The following SMARCD2 variants were observed in gnomAD, a reference collection of about 807,000 sequenced individuals.
The protein encoded by SMARCD2 is SWI/SNF related BAF chromatin remodeling complex subunit D2, also known as SWI/SNF-related matrix-associated actin-dependent regulator of chromatin subfamily D member 2.
A neutral mutation model predicts 70.4 loss-of-function variants in SMARCD2; 39 were observed. The ratio of observed to expected loss-of-function variants is 0.55; its 90% confidence interval spans 0.43 to 0.72. The LOEUF is 0.72. Among genes scored for constraint, SMARCD2 ranks in the 30% least tolerant of loss-of-function variants. The pLI, the probability that SMARCD2 is intolerant of heterozygous loss-of-function variation, is 0.00. For missense variants in SMARCD2, 540 were observed against 713.4 expected (o/e 0.76, Z 2.77); for synonymous variants, 249 against 279.4 (o/e 0.89, Z 1.08).
chr17:63,834,397 A>G lies in SMARCD2; in HGVS notation c.922-69T>C. The G allele has an allele frequency of 6.3e-7, 1 of 1,575,912 alleles. No homozygotes were observed. The highest frequency in any genetic ancestry group is 1.7e-4 in the Middle Eastern group (1 of 5,846). On this transcript the variant is annotated intron_variant, in intron 7 of 12. Coordinates refer to ENST00000448276, the MANE Select transcript of SMARCD2 (RefSeq NM_001098426.2). The surrounding 1 kb of genome is among the most constrained non-coding windows in gnomAD (Gnocchi z 5.6). ...AACAGTGGGAAAATAGGGCAGGGAC[A>G]GGAAGGGTTTCTAGGAACCAGCTCC...
In SMARCD2 at chr17:63,834,043, G is replaced by A. The variant is rs1345277227; in HGVS notation, c.1084-37C>T. On this transcript the variant is annotated intron_variant, in intron 8 of 12. Transcript: ENST00000448276. The surrounding 1 kb of genome is among the most constrained non-coding windows in gnomAD (Gnocchi z 5.6). ...ACGAAAGGCTCAGCGTTGGCTTGTGGGCACAGTGGAGTGGACCATTCCAGG... is the reference window on the plus strand; with the variant it reads ...ACGAAAGGCTCAGCGTTGGCTTGTGAGCACAGTGGAGTGGACCATTCCAGG... The A allele has an allele frequency of 6.2e-7, 1 of 1,600,854 alleles. No individual in the cohort carries two copies. Among genetic ancestry groups the A allele is most frequent in the African/African-American group, 1.3e-5 (1 of 74,696 alleles).
In SMARCD2 at chr17:63,834,145, C is replaced by T. The variant is rs758969651; in HGVS notation, c.1083+22G>A. ...CAAGGCAAAGCAAGGGCTGAGAAAA[C>T]GGGGGCTGGCATCTGGCTAACCTGG... is the stretch of plus-strand genomic sequence containing the variant. On this transcript the variant is annotated intron_variant, in intron 8 of 12. Transcript: ENST00000448276. This position sits in a 1 kb window ranked among gnomAD's most constrained non-coding sequence, Gnocchi z 5.6. 36 of 1,607,556 alleles carry T rather than the reference C, an allele frequency of 2.2e-5. No homozygotes were observed. In the South Asian group the frequency reaches 3.6e-4, roughly 16 times the overall value.
Position 63,833,845 on chromosome 17 carries a change from T to A in SMARCD2, c.1181+64A>T. 6.4e-7 allele frequency: 1 copy of A among 1,557,850 alleles called. No homozygotes were observed. Among genetic ancestry groups the A allele is most frequent in the Non-Finnish European group, 8.8e-7 (1 of 1,131,392 alleles). On this transcript the variant is annotated intron_variant, in intron 9 of 12. Transcript: ENST00000448276. The surrounding 1 kb of genome is among the most constrained non-coding windows in gnomAD (Gnocchi z 4.3). ...AAGAAACCTGATGCTTTCTTTGGCT[T>A]TAGTTCAAGCCAAGGGTGAATCTGC... is the stretch of plus-strand genomic sequence containing the variant.
At position 63,833,831 on chromosome 17, in the gene SMARCD2, TGCTTTCTTTGGCTTTAGTTCAAGCCAA is replaced by T; in HGVS notation, c.1181+51_1181+77del. Reference sequence around the variant, plus strand: ...CACACTCAGGGAAAAAGAAACCTGATGCTTTCTTTGGCTTTAGTTCAAGCCAAGGGTGAATCTGCTCTTAGAAGAGCC... The same window carrying T: ...CACACTCAGGGAAAAAGAAACCTGATGGGTGAATCTGCTCTTAGAAGAGCC... On this transcript the variant is annotated intron_variant, in intron 9 of 12. Transcript: ENST00000448276. The surrounding 1 kb of genome is among the most constrained non-coding windows in gnomAD (Gnocchi z 4.3). The T allele has an allele frequency of 6.4e-7, 1 of 1,553,930 alleles. No homozygotes were observed. Among genetic ancestry groups the T allele is most frequent in the Non-Finnish European group, 8.9e-7 (1 of 1,128,310 alleles).
chr17:63,838,544 G>A, intron 1 of SMARCD2: 1 of 1,328,544 alleles, frequency 7.5e-7, no homozygotes. Context: ...TAGAGGCCCA[G>A]GCTGAGCAGC....
intron 1 of SMARCD2, among the ~76,000 whole-genome samples, chr17:63,838,414 G>GCACCTGGACTCTGCCAGTGGTCCAGGCAC (rs2040292496): frequency 6.6e-6 from 1 of 152,096 alleles, no homozygotes; most frequent in Non-Finnish European, 1.5e-5. Flanking sequence ...AGAGCAGCTA[G>GCACCTGGACTCTGCCAGTGGTCCAGGCAC]CACCTGGACT....
Position 63,833,602 on chromosome 17 carries a change from G to A in SMARCD2, c.1302C>T (p.Ala434=), listed in dbSNP as rs1279430927. Residue 434 remains alanine (A), a synonymous_variant, in exon 10 of 13, where the codon GCC becomes GCT. Transcript: ENST00000448276. This position sits in a 1 kb window ranked among gnomAD's most constrained non-coding sequence, Gnocchi z 4.3. ...GAGGGCCCACCTTGACATCAAGGGA[G>A]GCGATCTCCTGCTGATTGGTGGTAG... is the stretch of plus-strand genomic sequence containing the variant. ...LASTTNQQEI[A]SLDVKIHETI... The A allele has an allele frequency of 6.2e-7, 1 of 1,613,920 alleles. No homozygotes were observed. The highest frequency in any genetic ancestry group is 1.3e-5 in the African/African-American group (1 of 74,942).
At position 63,834,423 on chromosome 17, in the gene SMARCD2, C is replaced by G. The variant is rs1405733828; in HGVS notation, c.921+51G>C. On this transcript the variant is annotated intron_variant, in intron 7 of 12. Coordinates refer to ENST00000448276, the MANE Select transcript of SMARCD2 (RefSeq NM_001098426.2). This position sits in a 1 kb window ranked among gnomAD's most constrained non-coding sequence, Gnocchi z 5.6. ...GGAAGGGTTTCTAGGAACCAGCTCC[C>G]CTCCTGAGGGGTCCCTGTGGGCCCA... is the stretch of plus-strand genomic sequence containing the variant. 6 of 1,556,268 alleles carry G rather than the reference C, an allele frequency of 3.9e-6. No homozygotes were observed. The East Asian group carries it at 1.4e-4, about 35-fold the overall frequency.
chr17:63,834,929 G>T lies in SMARCD2; in HGVS notation c.724-129C>A. 2 of 688,200 alleles carry T rather than the reference G, an allele frequency of 2.9e-6. No homozygotes were observed. The highest frequency in any genetic ancestry group is 5.0e-6 in the Non-Finnish European group (2 of 396,146). 42.6% of individuals were successfully genotyped at this position (688,200 alleles called of 1,614,324 possible). On this transcript the variant is annotated intron_variant, in intron 5 of 12. Transcript: ENST00000448276. This position sits in a 1 kb window ranked among gnomAD's most constrained non-coding sequence, Gnocchi z 5.6. ...ATACTGAAGATTCCTGGGCCCTGAA[G>T]GATGGAAGCAGGACTCTGGGCAGAC...
At position 63,833,224 on chromosome 17, in the gene SMARCD2, C is replaced by T. The variant is rs1422846128; in HGVS notation, c.1441-54G>A. On this transcript the variant is annotated intron_variant, in intron 11 of 12. Coordinates refer to ENST00000448276, the MANE Select transcript of SMARCD2 (RefSeq NM_001098426.2). The surrounding 1 kb of genome is among the most constrained non-coding windows in gnomAD (Gnocchi z 4.3). ...CATAATCCCCACCCCTGGGCTAATC[C>T]ACCCTGGGAACTGCTGTGGGTAAAA... The T allele has an allele frequency of 1.2e-6, 2 of 1,609,578 alleles. No individual in the cohort carries two copies. Among genetic ancestry groups the T allele is most frequent in the African/African-American group, 1.3e-5 (1 of 74,944 alleles).
At chr17:63,835,749 A>G in intron 4 of SMARCD2, 182 bp from the exon 5 acceptor site, 2 of 511,162 alleles carry the variant, frequency 3.9e-6, no homozygotes, top group South Asian at 2.4e-5. Flanking sequence ...TTTTTTTTAG[A>G]CATGGTCTCA....
Position 63,837,400 on chromosome 17 carries a change from G to C in SMARCD2, c.401+41C>G. The C allele has an allele frequency of 1.3e-6, 2 of 1,568,482 alleles. No individual in the cohort carries two copies. The highest frequency in any genetic ancestry group is 1.2e-5 in the South Asian group (1 of 86,280). On this transcript the variant is annotated intron_variant, in intron 2 of 12. Coordinates refer to ENST00000448276, the MANE Select transcript of SMARCD2 (RefSeq NM_001098426.2). The surrounding 1 kb of genome is among the most constrained non-coding windows in gnomAD (Gnocchi z 6.4). Reference sequence around the variant, plus strand: ...AGAAGGAAACCCTCTGCTACCACCAGAGCTGAGTTAGGCAGAGTGAGAGAA... The same window carrying C: ...AGAAGGAAACCCTCTGCTACCACCACAGCTGAGTTAGGCAGAGTGAGAGAA...
chr17:63,835,984 C>T (rs2040260663), intron 4 of SMARCD2, among the ~76,000 whole-genome samples: 1 of 152,068 alleles, frequency 6.6e-6, no homozygotes, highest in Non-Finnish European at 1.5e-5. Flanking sequence ...CCACTTCGGC[C>T]TCCTAAAGTG....
Position 63,832,947 on chromosome 17 carries a change from G to C in SMARCD2, c.1587C>G (p.Arg529=). The C allele has an allele frequency of 6.4e-7, 1 of 1,568,350 alleles. No homozygotes were observed. Reference sequence around the variant, plus strand: ...AAAGATCCCTGAGCAGTTAGGTCAGGCGAATTCCCAGCACCTGTTCCAGTT... The same window carrying C: ...AAAGATCCCTGAGCAGTTAGGTCAGCCGAATTCCCAGCACCTGTTCCAGTT... ...RQELEQVLGI[R]LT Residue 529 remains arginine (R), a synonymous_variant, in exon 13 of 13, where the codon CGC becomes CGG. Transcript: ENST00000448276.
Position 63,833,286 on chromosome 17 carries a change from A to G in SMARCD2, c.1440+12T>C, listed in dbSNP as rs765429079. ...CTTTACATAGGAGTCCCCTCGGGAA[A>G]GAGGACTACACCTTGAGGTCTCGGC... On this transcript the variant is annotated intron_variant, in intron 11 of 12. Transcript: ENST00000448276. The surrounding 1 kb of genome is among the most constrained non-coding windows in gnomAD (Gnocchi z 4.3). 1.2e-5 allele frequency: 20 copies of G among 1,613,826 alleles called. No homozygotes were observed. Among genetic ancestry groups the G allele is most frequent in the Admixed American group, 1.2e-4 (7 of 60,000 alleles).
chr17:63,842,219 C>G (rs900766532), intron 1 of SMARCD2, among the ~76,000 whole-genome samples: 3 of 152,204 alleles, frequency 2.0e-5, no homozygotes, highest in Non-Finnish European at 4.4e-5. Flanking sequence ...CTCGGAATCC[C>G]TGTGCCGCGG....
chr17:63,842,113 C>T (rs995469442), intron 1 of SMARCD2, among the ~76,000 whole-genome samples: 3 of 152,204 alleles, frequency 2.0e-5, no homozygotes, highest in Admixed American at 2.0e-4. Context: ...GGCCCTTTCC[C>T]AAACTTTCTC....
chr17:63,833,308 C>A lies in SMARCD2; in HGVS notation c.1430G>T (p.Arg477Leu), dbSNP rs766616758. 6.2e-7 allele frequency: 1 copy of A among 1,613,840 alleles called. No homozygotes were observed. The highest frequency in any genetic ancestry group is 8.5e-7 in the Non-Finnish European group (1 of 1,179,882). Reference protein sequence around the residue: ...FIQEWLRSQRRDLKIITDVIG... With the variant: ...FIQEWLRSQRLDLKIITDVIG... The stretch of plus-strand genomic sequence containing the variant: ...GAAAGAGGACTACACCTTGAGGTCT[C>A]GGCGCTGGGAACGGAGCCATTCCTG... The change falls in exon 11 of 13, where the codon CGA (arginine) becomes CTA (leucine). Residue 477 changes from arginine (R) to leucine (L), a missense_variant. Arg to Leu is a moderately radical substitution (Grantham distance 102). Coordinates refer to ENST00000448276, the MANE Select transcript of SMARCD2 (RefSeq NM_001098426.2). This position sits in a 1 kb window ranked among gnomAD's most constrained non-coding sequence, Gnocchi z 4.3.
intron 5 of SMARCD2, chr17:63,835,138 T>A (rs183139246): frequency 1.9e-6 from 1 of 531,394 alleles, no homozygotes; most frequent in African/African-American, 1.9e-5. Flanking sequence ...GTCTTTTTTT[T>A]TCTGAGACAC....
Sources: gnomAD v4.1 joint callset for allele counts (sites outside exome capture counted in the v4.1 genomes callset) on GRCh38, gnomAD v4.1.1 for gene constraint, Gnocchi (gnomAD v3.1) non-coding constraint, MANE v1.5 for transcripts, NCBI Gene and HGNC (gene_info 2026-07-23, HGNC 2026-07-21) for gene names.